The following CDC23 variants were observed in gnomAD, a reference collection of about 807,000 sequenced individuals.
CDC23 encodes the protein cell division cycle 23, also known as cell division cycle protein 23 homolog.
In CDC23, 26 loss-of-function variants were observed where a neutral mutation model predicts 81.7. The observed-to-expected ratio is 0.32, with a 90% CI of 0.23 to 0.44. The LOEUF is 0.44. CDC23 is among the 20% of genes least tolerant of loss of function. The pLI is 1.00. For synonymous variants in CDC23, 267 were observed against 270.8 expected, an observed-to-expected ratio of 0.99 and a Z score of 0.14; for missense variants, 519 against 728.0, an observed-to-expected ratio of 0.71 and a Z score of 3.30.
chr5:138,206,329 C>T (rs1755047946), intron 3 of CDC23: 7 of 567,190 alleles, frequency 1.2e-5, no homozygotes, highest in Non-Finnish European at 1.9e-5. Context: ...AATAAATAAT[C>T]AGGTTGTTAC....
Position 138,206,576 on chromosome 5 carries a change from A to T in CDC23, c.343T>A (p.Tyr115Asn). The change falls in exon 3 of 16, where the codon TAT becomes AAT. Residue 115 changes from tyrosine (Y) to asparagine (N), a missense_variant. Physicochemically the swap from Tyr to Asn is moderately radical, Grantham distance 143. Around this residue, in one of 4 missense-constraint regions of CDC23, gnomAD observed 180 missense variants for 239.3 expected, o/e 0.75. Transcript: ENST00000394886. ...FLHGCNSKKA[Y>N]FLYMYSRYLS... ...TATCTGGAATACATATACAGAAAAT[A>T]GGCTTTCTTGCTATTGCAGCCATGC... The T allele has an allele frequency of 1.9e-6, 3 of 1,614,166 alleles. No individual in the cohort carries two copies. Among genetic ancestry groups the T allele is most frequent in the African/African-American group, 1.3e-5 (1 of 75,058 alleles).
At chr5:138,198,881 T>A in intron 6 of CDC23, 99 bp from the exon 7 acceptor site, 1 of 1,234,104 alleles carries the variant, frequency 8.1e-7, no homozygotes, top group Non-Finnish European at 1.1e-6. Context: ...AATTTATCAC[T>A]AAAATTTTAT....
intron 9 of CDC23, among the ~76,000 whole-genome samples, chr5:138,195,774 G>GTATATATATACATATATTATATATGTA (rs1238328252): frequency 1.8e-5 from 2 of 108,900 alleles, no homozygotes; most frequent in African/African-American, 3.5e-5. Flanking sequence ...TTATATATGT[G>GTATATATATACATATATTATATATGTA]TATATATACA....
intron 12 of CDC23, 107 bp downstream of exon 12, chr5:138,191,755 C>A: frequency 2.0e-6 from 2 of 1,005,020 alleles, no homozygotes; most frequent in Admixed American, 3.7e-5. Context: ...TTCAGACTTT[C>A]CTATGCACCT....
rs769162155 is a variant in CDC23 at position 138,191,461 on chromosome 5, T to A, written c.1424+13A>T. 2.5e-6 allele frequency: 4 copies of A among 1,612,768 alleles called. No individual in the cohort carries two copies. Among genetic ancestry groups the A allele is most frequent in the Non-Finnish European group, 2.5e-6 (3 of 1,178,716 alleles). The stretch of plus-strand genomic sequence containing the variant: ...AACAGAAATATCAATAGCATTTCAC[T>A]CCTTTCACTCACTTTGCCAGTTTCA... On this transcript the variant is annotated intron_variant, in intron 13 of 15. Coordinates refer to ENST00000394886, the MANE Select transcript of CDC23 (RefSeq NM_004661.4).
intron 3 of CDC23, 76 bp from the exon 4 acceptor site, chr5:138,202,231 T>C: frequency 1.8e-6 from 2 of 1,118,528 alleles, no homozygotes; most frequent in South Asian, 1.4e-5. Context: ...ATCCTGATCC[T>C]ACCTAAAGGG....
Position 138,191,867 on chromosome 5 carries a change from T to C in CDC23, c.1357A>G (p.Lys453Glu). 1 of 1,613,242 alleles carries C rather than the reference T, an allele frequency of 6.2e-7. No individual in the cohort carries two copies. Among genetic ancestry groups the C allele is most frequent in the East Asian group, 2.2e-5 (1 of 44,880 alleles). ...YEKLNQLVEA[K>E]KCYWRAYAVG... ...CAGGACCCAATTTAAGGTACCTTTT[T>C]GGCTTCCACTAGTTGATTGAGTTTC... The change falls in exon 12 of 16, where the codon AAA becomes GAA. Residue 453 changes from lysine to glutamate, a missense_variant. Transcript: ENST00000394886.
chr5:138,198,091 A>G (rs762763333), intron 9 of CDC23, 108 bp downstream of exon 9: 16 of 801,634 alleles, frequency 2.0e-5, no homozygotes, highest in Non-Finnish European at 3.2e-5. Context: ...TCCTGAGTAG[A>G]GGAAACTAAA....
At chr5:138,210,332 C>T (rs907136978) in intron 2 of CDC23, among the ~76,000 whole-genome samples, 2 of 151,924 alleles carry the variant, frequency 1.3e-5, no homozygotes. Context: ...TCAAACCAGC[C>T]TGGCCAACAC....
At chr5:138,196,601 G>A (rs1754910208) in intron 9 of CDC23, among the ~76,000 whole-genome samples, 1 of 133,696 alleles carries the variant, frequency 7.5e-6, no homozygotes, top group Non-Finnish European at 1.6e-5. Flanking sequence ...TTTTTTTTGA[G>A]ATGGAGTCTC....
rs545828501 is a variant in CDC23, at chr5:138,187,687, A to C, written c.*1291T>G. The C allele has an allele frequency of 2.0e-4, 59 of 295,398 alleles. No individual in the cohort carries two copies. The highest frequency in any genetic ancestry group is 6.3e-4 in the Admixed American group (13 of 20,782). The allele number at this position is 295,398 out of a possible 1,614,324, so 18.3% of individuals were successfully genotyped here. On this transcript the variant is annotated 3_prime_UTR_variant, in exon 16 of 16. Coordinates refer to ENST00000394886, the MANE Select transcript of CDC23 (RefSeq NM_004661.4). ...TTTTTTATTGAATTCCAAATGTAGC[A>C]AAATCATTAAAACAAATTATAAAAG...
intron 2 of CDC23, 22 bp from the exon 3 acceptor site, chr5:138,206,706 G>A: frequency 6.2e-7 from 1 of 1,602,516 alleles, no homozygotes; most frequent in Non-Finnish European, 8.5e-7. Flanking sequence ...ACAAGCTTAT[G>A]TAAGTGGTTG....
intron 2 of CDC23, among the ~76,000 whole-genome samples, chr5:138,209,714 T>C (rs114277624): frequency 0.018 from 2,664 of 149,984 alleles, 52 homozygotes; most frequent in African/African-American, 0.052. Context: ...ATCCCGGCTA[T>C]TCGGGAGGCT....
intron 15 of CDC23, 114 bp from the exon 16 acceptor site, chr5:138,189,262 G>GT (rs201177815): frequency 0.13 from 83,123 of 655,332 alleles, 17 homozygotes; most frequent in South Asian, 0.17. Flanking sequence ...AGGCTTGCTT[G>GT]TTTTTTTTTT....
At chr5:138,200,632 C>T (rs932045048) in intron 6 of CDC23, among the ~76,000 whole-genome samples, 7 of 151,958 alleles carry the variant, frequency 4.6e-5, no homozygotes, top group East Asian at 1.9e-4. Context: ...CCAGCCTGGC[C>T]GACATGGTGA....
chr5:138,191,178 C>T (rs973585701), intron 13 of CDC23, among the ~76,000 whole-genome samples: 9 of 151,996 alleles, frequency 5.9e-5, no homozygotes, highest in African/African-American at 1.4e-4. Flanking sequence ...TGCAATGGCG[C>T]GATCTCGGCT....
intron 3 of CDC23, 155 bp downstream of exon 3, chr5:138,206,386 TTTTAAC>T: frequency 1.4e-6 from 1 of 720,934 alleles, no homozygotes; most frequent in Non-Finnish European, 2.4e-6. Context: ...CTACCATCCT[TTTTAAC>T]TTTATTTATG....
intron 3 of CDC23, among the ~76,000 whole-genome samples, chr5:138,203,770 G>A (rs552036742): frequency 3.9e-5 from 6 of 152,088 alleles, no homozygotes; most frequent in East Asian, 1.9e-4. Flanking sequence ...AAAATTAGCC[G>A]GGCATGGTAG....
At chr5:138,192,214 A>G (rs193093802) in intron 11 of CDC23, 55 bp downstream of exon 11, 1 of 1,603,622 alleles carries the variant, frequency 6.2e-7, no homozygotes, top group East Asian at 2.2e-5. Context: ...AAAAGAGGAA[A>G]AAAAAGTTAT....
Sources: allele counts gnomAD v4.1 joint callset (sites outside exome capture counted in the v4.1 genomes callset), GRCh38; gene constraint gnomAD v4.1.1; regional missense constraint gnomAD v4.1.1; transcripts MANE v1.5; gene names NCBI Gene and HGNC (gene_info 2026-07-23, HGNC 2026-07-21).